ELMO2: variants seen among roughly 807,000 people sequenced by gnomAD.
ELMO2 encodes the protein engulfment and cell motility 2, also known as engulfment and cell motility protein 2.
ELMO2 carries 37 observed loss-of-function variants against 96.2 expected under a neutral mutation model. That is an observed-to-expected ratio of 0.38 (90% confidence interval 0.30 to 0.51). The LOEUF (loss-of-function observed/expected upper bound fraction) is 0.51. Among genes scored for constraint, ELMO2 ranks in the 20% least tolerant of loss-of-function variants. The probability of loss-of-function intolerance (pLI) is 0.88; values close to 1 mark genes in which losing one functional copy is unlikely to be tolerated. For synonymous variants in ELMO2, 315 were observed against 329.4 expected (o/e 0.96, Z 0.47); for missense variants, 561 against 912.6 (o/e 0.61, Z 4.96).
At chr20:46,370,866 C>G (rs2059688265) in intron 19 of ELMO2, among the ~76,000 whole-genome samples, 1 of 152,172 alleles carries the variant, frequency 6.6e-6, no homozygotes, top group African/African-American at 2.4e-5. Flanking sequence ...TCATCGCCAA[C>G]AGCAGTGGCA....
At chr20:46,393,186 T>C (rs765262006) in intron 5 of ELMO2, 43 bp from the exon 6 acceptor site, 10 of 1,583,320 alleles carry the variant, frequency 6.3e-6, no homozygotes, top group Non-Finnish European at 7.8e-6. Flanking sequence ...TAAGATAAAA[T>C]GTTAAAGTGG....
At chr20:46,380,086 C>T (rs2059928619) in intron 11 of ELMO2, 167 bp downstream of exon 11, 1 of 590,502 alleles carries the variant, frequency 1.7e-6, no homozygotes, top group African/African-American at 1.9e-5. Flanking sequence ...ACTCTGCTCA[C>T]AGAGGATCGC....
chr20:46,405,623 C>G (rs1034147474), intron 1 of ELMO2, among the ~76,000 whole-genome samples: 22 of 152,080 alleles, frequency 1.4e-4, no homozygotes, highest in African/African-American at 5.1e-4. Flanking sequence ...CGCGGTGGCT[C>G]ACGCCTGTAA....
chr20:46,379,054 C>G (rs1323274546), intron 11 of ELMO2, among the ~76,000 whole-genome samples: 1 of 151,994 alleles, frequency 6.6e-6, no homozygotes, highest in Non-Finnish European at 1.5e-5. Context: ...GCGCAATGGC[C>G]TGGTCTCGGC....
At chr20:46,396,927 G>A (rs1457079629) in intron 2 of ELMO2, among the ~76,000 whole-genome samples, 1 of 152,184 alleles carries the variant, frequency 6.6e-6, no homozygotes, top group Non-Finnish European at 1.5e-5. Context: ...AAATCCAAGT[G>A]AGGATGCCCA....
chr20:46,379,229 G>A (rs2059914131), intron 11 of ELMO2, among the ~76,000 whole-genome samples: 2 of 152,020 alleles, frequency 1.3e-5, no homozygotes, highest in Admixed American at 6.6e-5. Flanking sequence ...CCTGACCTCA[G>A]GCAATCCACC....
chr20:46,367,456 C>A lies in ELMO2; in HGVS notation c.2067G>T (p.Leu689=), dbSNP rs145079411. The change falls in exon 22 of 22, where the codon CTG becomes CTT. Residue 689 remains leucine, a synonymous_variant. Transcript: ENST00000290246. ...LDTLLSMEMK[L]RLLDLENIQI... is the part of the protein sequence containing the mutation. ...GGATGTTCTCCAGGTCCAGGAGCCG[C>A]AGCTTCATCTCCATGCTCAGCAGGG... The A allele has an allele frequency of 1.0e-4, 164 of 1,613,640 alleles. No homozygotes were observed. In the African/African-American group the frequency reaches 2.1e-3, roughly 20 times the overall value.
At chr20:46,374,828 C>T (rs1175557403) in intron 13 of ELMO2, among the ~76,000 whole-genome samples, 188 bp from the exon 14 acceptor site, 1 of 152,130 alleles carries the variant, frequency 6.6e-6, no homozygotes, top group Non-Finnish European at 1.5e-5. Context: ...GGCTGCCTCA[C>T]CATGCATCCC....
intron 10 of ELMO2, chr20:46,382,155 C>T (rs1453765699): frequency 4.7e-6 from 6 of 1,284,050 alleles, no homozygotes; most frequent in Admixed American, 2.3e-5. Flanking sequence ...CTAGCTTTGA[C>T]TTCCCCACCT....
chr20:46,374,432 C>T lies in ELMO2; in HGVS notation c.1179G>A (p.Leu393=), dbSNP rs777294106. 4 of 1,614,092 alleles carry T rather than the reference C, an allele frequency of 2.5e-6. No individual in the cohort carries two copies. Among genetic ancestry groups the T allele is most frequent in the Non-Finnish European group, 3.4e-6 (4 of 1,180,002 alleles). Residue 393 remains leucine (L), a synonymous_variant, in exon 15 of 22, where the codon TTG becomes TTA. Transcript: ENST00000290246. ...VHQDTYIRIV[L]ENSSREDKHE... is the part of the protein sequence containing the mutation. ...GTTTGTCTTCCCGGCTACTGTTCTC[C>T]AAGACAATCTGTCGGGGGAAGAGAA... is the stretch of plus-strand genomic sequence containing the variant.
chr20:46,370,361 G>T (rs978699765), intron 20 of ELMO2, 82 bp downstream of exon 20: 43 of 1,236,908 alleles, frequency 3.5e-5, no homozygotes, highest in Non-Finnish European at 4.7e-5. Flanking sequence ...AAGATGCCAA[G>T]AATGCACCTG....
chr20:46,367,630 T>C (rs1022891288), intron 21 of ELMO2, 70 bp from the exon 22 acceptor site: 1 of 1,305,040 alleles, frequency 7.7e-7, no homozygotes, highest in Non-Finnish European at 1.1e-6. Context: ...CAAGGTCTCT[T>C]TTCTGATGGG....
chr20:46,380,636 G>A (rs950652098), intron 10 of ELMO2, among the ~76,000 whole-genome samples: 2 of 152,232 alleles, frequency 1.3e-5, no homozygotes, highest in Admixed American at 6.5e-5. Flanking sequence ...ACACAGAGCA[G>A]TGTGATGGTT....
intron 6 of ELMO2, among the ~76,000 whole-genome samples, chr20:46,390,442 G>GAACATCAAGGAGCCAGA (rs2060132045): frequency 6.6e-6 from 1 of 152,184 alleles, no homozygotes; most frequent in Non-Finnish European, 1.5e-5. Flanking sequence ...GAAACTTTAA[G>GAACATCAAGGAGCCAGA]AACATCAAGG....
At chr20:46,403,650 T>C (rs977064291) in intron 1 of ELMO2, among the ~76,000 whole-genome samples, 30 of 152,226 alleles carry the variant, frequency 2.0e-4, no homozygotes, top group African/African-American at 7.2e-4. Flanking sequence ...CATCTAGTCA[T>C]TTTATGTGAT....
At chr20:46,395,555 C>T (rs546948578) in intron 2 of ELMO2, among the ~76,000 whole-genome samples, 18 of 152,314 alleles carry the variant, frequency 1.2e-4, no homozygotes, top group African/African-American at 4.3e-4. Context: ...TCCTGGCGTA[C>T]AAAGCATAGC....
At position 46,393,509 on chromosome 20, in the gene ELMO2, T is replaced by C; in HGVS notation, c.192+20A>G. ...ATTCCAAGCAAGGCCCATATTGATT[T>C]TGCCTCTCCCTGTACTAACCTGTTC... is the stretch of plus-strand genomic sequence containing the variant. On this transcript the variant is annotated intron_variant, in intron 5 of 21. Transcript: ENST00000290246. The C allele has an allele frequency of 1.2e-6, 2 of 1,612,512 alleles. No homozygotes were observed. The highest frequency in any genetic ancestry group is 1.7e-6 in the Non-Finnish European group (2 of 1,179,426).
intron 4 of ELMO2, 173 bp downstream of exon 4, chr20:46,393,876 C>T (rs1218859069): frequency 2.1e-5 from 19 of 914,040 alleles, no homozygotes; most frequent in Admixed American, 5.4e-5. Context: ...GAAGTATAAA[C>T]GTCTTAGGGG....
intron 9 of ELMO2, among the ~76,000 whole-genome samples, chr20:46,384,608 C>G (rs2060010228): frequency 1.3e-5 from 2 of 151,914 alleles, no homozygotes; most frequent in Admixed American, 6.6e-5. Flanking sequence ...AATTCTCTAT[C>G]TGGAGTTTAT....
Sources: allele counts gnomAD v4.1 joint callset (sites outside exome capture counted in the v4.1 genomes callset), GRCh38; gene constraint gnomAD v4.1.1; transcripts MANE v1.5; gene names NCBI Gene and HGNC (gene_info 2026-07-23, HGNC 2026-07-21).